Variants in PPP1R1C observed in about 807,000 individuals in gnomAD.
The protein encoded by PPP1R1C is protein phosphatase 1 regulatory inhibitor subunit 1C.
In PPP1R1C, 15 loss-of-function variants were observed where a neutral mutation model predicts 17.4. The ratio of observed to expected loss-of-function variants is 0.86; its 90% CI spans 0.58 to 1.33. The LOEUF (loss-of-function observed/expected upper bound fraction) is 1.33. PPP1R1C is among the 40% of genes most tolerant of loss of function. The pLI is 0.00. For synonymous variants in PPP1R1C, 35 were observed against 43.1 expected, an observed-to-expected ratio of 0.81 and a Z score of 0.73; for missense variants, 143 against 130.0, an observed-to-expected ratio of 1.10 and a Z score of -0.48.
chr2:181,964,163 GTTCAATTGTTTTAATTTTTAGCTCC>G (rs994806795), intron 1 of PPP1R1C, among the ~76,000 whole-genome samples: 2 of 152,124 alleles, frequency 1.3e-5, no homozygotes, highest in Non-Finnish European at 2.9e-5. Context: ...GTTGCCATGA[GTTCAATTGTTTTAATTTTTAGCTCC>G]CACAAAAAAT....
intron 1 of PPP1R1C, among the ~76,000 whole-genome samples, chr2:181,971,483 A>G (rs1685005740): frequency 1.3e-5 from 2 of 151,960 alleles, no homozygotes; most frequent in Admixed American, 6.6e-5. Flanking sequence ...ACTCTCCTCA[A>G]ACAGAAGGAA....
At chr2:182,004,661 G>A (rs1270749352) in intron 2 of PPP1R1C, among the ~76,000 whole-genome samples, 1 of 152,200 alleles carries the variant, frequency 6.6e-6, no homozygotes, top group Non-Finnish European at 1.5e-5. Context: ...ATGTTGGCAG[G>A]CATTGTAAAC....
At chr2:182,062,352 CAATA>C (rs1374839352) in intron 3 of PPP1R1C, among the ~76,000 whole-genome samples, 1 of 151,916 alleles carries the variant, frequency 6.6e-6, no homozygotes, top group African/African-American at 2.4e-5. Flanking sequence ...TAAACAACAA[CAATA>C]AAAAAATTTC....
intron 2 of PPP1R1C, among the ~76,000 whole-genome samples, chr2:181,988,326 C>T (rs1389760285): frequency 6.6e-6 from 1 of 152,220 alleles, no homozygotes; most frequent in African/African-American, 2.4e-5. Flanking sequence ...AATGACCCAG[C>T]GTTGGCTTCA....
chr2:182,016,676 A>C (rs931850117), intron 2 of PPP1R1C, among the ~76,000 whole-genome samples: 1 of 152,210 alleles, frequency 6.6e-6, no homozygotes, highest in African/African-American at 2.4e-5. Flanking sequence ...TTTGAAAGAG[A>C]AACTGATTTC....
At chr2:182,032,235 C>T (rs1442323144) in intron 2 of PPP1R1C, among the ~76,000 whole-genome samples, 4 of 152,172 alleles carry the variant, frequency 2.6e-5, no homozygotes, top group Non-Finnish European at 5.9e-5. Flanking sequence ...ATATTGGTTT[C>T]ATCAGAACTG....
rs541635229 is a variant in PPP1R1C at position 181,974,071 on chromosome 2, A to C, written n.112-1148A>C. Among the ~76,000 whole-genome samples the C allele has an allele frequency of 5.3e-5, 8 of 152,166 alleles. No individual in the cohort carries two copies. The South Asian group carries it at 1.7e-3, about 32-fold the overall frequency. ...GATTGAGAGATAAGAGTTGAAATTT[A>C]AATCAGTCAATTATGCTACCTTGGA... On this transcript the variant is annotated intron_variant and non_coding_transcript_variant, in intron 1 of 5. Transcript: ENST00000464264.
chr2:181,999,313 G>A (rs980486404), intron 2 of PPP1R1C, among the ~76,000 whole-genome samples: 3 of 152,174 alleles, frequency 2.0e-5, no homozygotes, highest in Non-Finnish European at 2.9e-5. Context: ...TAGATTTACA[G>A]TTTGCAAATC....
intron 4 of PPP1R1C, among the ~76,000 whole-genome samples, chr2:182,076,197 CTTTTTTTTTTTTTTTTTTTTTTTTTT>C (rs1165789924): frequency 7.7e-5 from 2 of 25,850 alleles, no homozygotes; most frequent in East Asian, 1.5e-3. Context: ...TTTTTCTTTT[CTTTTTTTTTTTTTTTTTTTTTTTTTT>C]TTTTTTTTTT....
intron 2 of PPP1R1C, among the ~76,000 whole-genome samples, chr2:182,058,427 C>T (rs1045967338): frequency 6.6e-6 from 1 of 151,966 alleles, no homozygotes; most frequent in Non-Finnish European, 1.5e-5. Flanking sequence ...CTTGTGTTGC[C>T]CTTGGTCACC....
intron 4 of PPP1R1C, among the ~76,000 whole-genome samples, chr2:182,084,167 G>A (rs940064315): frequency 3.3e-5 from 5 of 151,740 alleles, no homozygotes; most frequent in African/African-American, 1.2e-4. Context: ...CTTGTTACTA[G>A]TCCTTTGTTG....
intron 2 of PPP1R1C, among the ~76,000 whole-genome samples, chr2:181,998,983 G>A (rs1559050732): frequency 1.3e-5 from 2 of 152,118 alleles, no homozygotes; most frequent in African/African-American, 4.8e-5. Flanking sequence ...ATTTTACTTG[G>A]TGAATAGCCC....
rs1171446965 is a variant in PPP1R1C at position 181,967,861 on chromosome 2, A to G, written n.112-7358A>G. ...CTCCAGAGTAGCTGGGATTACAGGCACGAGCCACCATGCCTGGCTAATTTT... is the reference window on the plus strand; with the variant it reads ...CTCCAGAGTAGCTGGGATTACAGGCGCGAGCCACCATGCCTGGCTAATTTT... On this transcript the variant is annotated intron_variant and non_coding_transcript_variant, in intron 1 of 5. Coordinates refer to the PPP1R1C transcript ENST00000464264. The surrounding 1 kb of genome is among the most constrained non-coding windows in gnomAD (Gnocchi z 5.5). 6.6e-6 allele frequency among the ~76,000 whole-genome samples: 1 copy of G among 152,068 alleles called. No homozygotes were observed. The highest frequency in any genetic ancestry group is 1.5e-5 in the Non-Finnish European group (1 of 68,000).
intron 4 of PPP1R1C, among the ~76,000 whole-genome samples, chr2:182,094,376 T>C (rs1007272468): frequency 6.6e-6 from 1 of 152,200 alleles, no homozygotes; most frequent in African/African-American, 2.4e-5. Flanking sequence ...CACAGAGCCA[T>C]ACCATATCAG....
At chr2:181,978,154 T>A (rs780040796) in intron 2 of PPP1R1C, among the ~76,000 whole-genome samples, 80 of 152,146 alleles carry the variant, frequency 5.3e-4, no homozygotes, top group Non-Finnish European at 1.0e-3. Context: ...CTTATGAGAC[T>A]TATTCACTAC....
chr2:182,094,723 G>C (rs963401326), intron 4 of PPP1R1C, among the ~76,000 whole-genome samples: 1 of 152,124 alleles, frequency 6.6e-6, no homozygotes, highest in African/African-American at 2.4e-5. Flanking sequence ...AATTGCAGAT[G>C]TGTAAAAAAT....
At chr2:182,128,633 TATGTATGTACGTATGTATATATGC>T (rs1206076707) in intron 5 of PPP1R1C, among the ~76,000 whole-genome samples, 1 of 137,098 alleles carries the variant, frequency 7.3e-6, no homozygotes, top group Admixed American at 7.6e-5. Context: ...CACATATGCA[TATGTATGTACGTATGTATATATGC>T]ATGTATGTAT....
At chr2:182,041,645 A>G (rs1313762037) in intron 2 of PPP1R1C, among the ~76,000 whole-genome samples, 2 of 151,598 alleles carry the variant, frequency 1.3e-5, no homozygotes, top group African/African-American at 4.8e-5. Context: ...TCCCAAATGT[A>G]GCCACTTTCG....
intron 2 of PPP1R1C, among the ~76,000 whole-genome samples, chr2:182,044,803 T>C (rs565097035): frequency 6.6e-6 from 1 of 152,324 alleles, no homozygotes. Flanking sequence ...TTTTGATCCA[T>C]AGTGACAGAC....
Sources: allele counts gnomAD v4.1 joint callset (sites outside exome capture counted in the v4.1 genomes callset), GRCh38; gene constraint gnomAD v4.1.1; non-coding constraint Gnocchi (gnomAD v3.1); transcripts MANE v1.5; gene names NCBI Gene and HGNC (gene_info 2026-07-23, HGNC 2026-07-21).